Variants in LRCH1 observed in about 807,000 individuals in gnomAD.
LRCH1 encodes the protein leucine rich repeats and calponin homology domain containing 1.
Under a neutral mutation model 94.9 loss-of-function variants are expected in LRCH1, and 23 were observed. That is an observed-to-expected ratio of 0.24 (90% CI 0.17 to 0.34). The LOEUF is 0.34. Among genes scored for constraint, LRCH1 ranks in the 10% least tolerant of loss-of-function variants. LRCH1 has a pLI of 1.00. For missense variants in LRCH1, 790 were observed against 945.9 expected, an observed-to-expected ratio of 0.84 and a Z score of 2.16; for synonymous variants, 364 against 354.9, an observed-to-expected ratio of 1.03 and a Z score of -0.29.
Position 46,684,688 on chromosome 13 carries a change from A to G in LRCH1, c.686-1217A>G, listed in dbSNP as rs180693848. Among the ~76,000 whole-genome samples, 563 of 152,202 alleles carry G rather than the reference A, an allele frequency of 3.7e-3. 2 individuals are homozygous for G. The highest frequency in any genetic ancestry group is 3.8e-3 in the Non-Finnish European group (258 of 67,998). On this transcript the variant is annotated intron_variant, in intron 4 of 19. Transcript: ENST00000389797. ...GGTGAAAGGGGATCTTGCTTTTCCT[A>G]TTGTTTCACTTTCATGATTCCAGGG... is the stretch of plus-strand genomic sequence containing the variant.
At chr13:46,748,734 A>T (rs146820861), downstream of LRCH1, among the ~76,000 whole-genome samples, 1 of 152,232 alleles carries the variant, frequency 6.6e-6, no homozygotes, top group African/African-American at 2.4e-5. Context: ...CTGATACGCC[A>T]TTGACAAGAT....
At chr13:46,608,887 C>A (rs2050716491) in intron 1 of LRCH1, among the ~76,000 whole-genome samples, 1 of 152,178 alleles carries the variant, frequency 6.6e-6, no homozygotes, top group African/African-American at 2.4e-5. Context: ...TGCATGCATT[C>A]TCCTTAAAGA....
chr13:46,665,926 T>G (rs556686444), intron 2 of LRCH1, among the ~76,000 whole-genome samples: 34 of 152,318 alleles, frequency 2.2e-4, no homozygotes, highest in African/African-American at 7.9e-4. Flanking sequence ...GGAATGCAGC[T>G]TTTCCTCTCC....
intron 13 of LRCH1, among the ~76,000 whole-genome samples, chr13:46,709,989 C>T (rs1337285623): frequency 3.9e-5 from 6 of 152,122 alleles, no homozygotes; most frequent in African/African-American, 1.4e-4. Flanking sequence ...TTTCTTCTGT[C>T]TCATTCAAGC....
intron 16 of LRCH1, among the ~76,000 whole-genome samples, chr13:46,722,639 A>G (rs187952233): frequency 3.6e-4 from 55 of 152,316 alleles, no homozygotes; most frequent in Middle Eastern, 3.4e-3. Flanking sequence ...CAGCCTTCCT[A>G]AAAGGTGTCC....
intron 1 of LRCH1, among the ~76,000 whole-genome samples, chr13:46,630,492 T>C (rs780202496): frequency 6.6e-6 from 1 of 152,244 alleles, no homozygotes; most frequent in Non-Finnish European, 1.5e-5. Flanking sequence ...TGTATGTCTT[T>C]CTTATTTCAG....
chr13:46,647,671 C>G (rs771903684), intron 1 of LRCH1, among the ~76,000 whole-genome samples: 2 of 152,150 alleles, frequency 1.3e-5, no homozygotes, highest in Non-Finnish European at 2.9e-5. Context: ...ACAAAGCCTT[C>G]CCCATTCTGA....
intron 17 of LRCH1, among the ~76,000 whole-genome samples, chr13:46,724,342 A>C (rs897279626): frequency 1.3e-5 from 2 of 152,218 alleles, no homozygotes; most frequent in African/African-American, 4.8e-5. Context: ...CCAAGTAGGT[A>C]GGCATAAATT....
At chr13:46,566,387 A>G (rs752644373) in intron 1 of LRCH1, among the ~76,000 whole-genome samples, 9 of 152,078 alleles carry the variant, frequency 5.9e-5, no homozygotes, top group Non-Finnish European at 1.3e-4. Flanking sequence ...TTCACTAAGA[A>G]CCTTGTCATA....
chr13:46,750,530 T>G, intron 18 of LRCH1: 1 of 1,529,740 alleles, frequency 6.5e-7, no homozygotes, highest in Non-Finnish European at 8.9e-7. Flanking sequence ...TTTATTCTTT[T>G]TCCTTTTAGG....
intron 1 of LRCH1, among the ~76,000 whole-genome samples, chr13:46,585,750 C>T (rs1347473033): frequency 1.3e-5 from 2 of 151,976 alleles, no homozygotes; most frequent in African/African-American, 2.4e-5. Flanking sequence ...TAAGAAAGAA[C>T]GTTGTCATTC....
In LRCH1 at chr13:46,660,034, C is replaced by CTTTTT. The variant is rs767544799; in HGVS notation, c.453-8985_453-8981dup. 1.2e-4 allele frequency among the ~76,000 whole-genome samples: 12 copies of CTTTTT among 103,646 alleles called. 1 individual carries two copies. The highest frequency in any genetic ancestry group is 2.5e-4 in the African/African-American group (7 of 27,980). The allele number at this position is 103,646 out of a possible 152,430, so 68.0% of individuals were successfully genotyped here. ...CACTTTCTGTATTCCTTAGGAGTCACTTTTTTTTTTTTTTTGAGACAGGCT... is the reference window on the plus strand; with the variant it reads ...CACTTTCTGTATTCCTTAGGAGTCACTTTTTTTTTTTTTTTTTTTTGAGACAGGCT... On this transcript the variant is annotated intron_variant, in intron 2 of 19. Transcript: ENST00000389797.
chr13:46,737,809 C>CAGTT (rs1315997048), intron 19 of LRCH1, among the ~76,000 whole-genome samples: 1 of 152,128 alleles, frequency 6.6e-6, no homozygotes, highest in Non-Finnish European at 1.5e-5. Context: ...CTGGTAGGTA[C>CAGTT]AGTTCATGGT....
chr13:46,601,985 T>TAACCTGAA (rs1215713891), intron 1 of LRCH1, among the ~76,000 whole-genome samples: 1 of 152,226 alleles, frequency 6.6e-6, no homozygotes, highest in Admixed American at 6.5e-5. Context: ...CCTGAATGTT[T>TAACCTGAA]TTATGTCTAC....
rs1225108128 is a variant in LRCH1, at chr13:46,582,129, G to A, written c.307+28426G>A. ...CATGCCACAGCACTCCAGCCTGGGC[G>A]GCAGAGAGAGACTCCATCTCAAAAA... On this transcript the variant is annotated intron_variant, in intron 1 of 19. Transcript: ENST00000389797. Among the ~76,000 whole-genome samples the A allele has an allele frequency of 2.8e-5, 4 of 142,136 alleles. No homozygotes were observed. In the East Asian group the frequency reaches 6.0e-4, roughly 21 times the overall value. The allele number at this position is 142,136 out of a possible 152,430, so 93.2% of individuals were successfully genotyped here. A position where few individuals can be genotyped will look rare whatever the true frequency, so the allele number is the denominator to read the frequency against.
Position 46,718,404 on chromosome 13 carries a change from T to C in LRCH1, c.1759+2740T>C, listed in dbSNP as rs114849028. Among the ~76,000 whole-genome samples the C allele has an allele frequency of 4.9e-3, 753 of 152,340 alleles. 5 individuals are homozygous for C. The highest frequency in any genetic ancestry group is 0.017 in the African/African-American group (708 of 41,580). On this transcript the variant is annotated intron_variant, in intron 16 of 19. Coordinates refer to ENST00000389797, the MANE Select transcript of LRCH1 (RefSeq NM_001164211.2). ...GATATAAGAGGCTTTTTAGTGGCTC[T>C]TAACTCTGGTTTTATATTAGAATCA...
At chr13:46,658,297 T>G (rs1202443530) in intron 2 of LRCH1, among the ~76,000 whole-genome samples, 1 of 152,150 alleles carries the variant, frequency 6.6e-6, no homozygotes, top group African/African-American at 2.4e-5. Context: ...ATTTTGGATA[T>G]TTTGCTCATT....
intron 13 of LRCH1, among the ~76,000 whole-genome samples, chr13:46,708,971 G>C (rs1037601143): frequency 5.9e-5 from 9 of 152,226 alleles, no homozygotes; most frequent in Non-Finnish European, 1.3e-4. Flanking sequence ...AGAAGAGAGG[G>C]AGAGAGATAG....
In LRCH1 at chr13:46,743,275, A is replaced by G; in HGVS notation, c.*1427A>G. 1 of 985,292 alleles carries G rather than the reference A, an allele frequency of 1.0e-6. No individual in the cohort carries two copies. Among genetic ancestry groups the G allele is most frequent in the Non-Finnish European group, 1.2e-6 (1 of 829,374 alleles). The allele number at this position is 985,292 out of a possible 1,614,324, so 61.0% of individuals were successfully genotyped here. ...GGGGACTTGAAAATATGGAAGACCC[A>G]CATAGTTAGAAGAATATATTTATAA... On this transcript the variant is annotated 3_prime_UTR_variant, in exon 20 of 20. Coordinates refer to ENST00000389797, the MANE Select transcript of LRCH1 (RefSeq NM_001164211.2).
Sources: gnomAD v4.1 joint callset for allele counts (sites outside exome capture counted in the v4.1 genomes callset) on GRCh38, gnomAD v4.1.1 for gene constraint, MANE v1.5 for transcripts, NCBI Gene and HGNC (gene_info 2026-07-23, HGNC 2026-07-21) for gene names.